The following HIVEP3 variants were observed in gnomAD, a reference collection of about 807,000 sequenced individuals.
HIVEP3 encodes the protein transcription factor HIVEP3.
In HIVEP3, 49 loss-of-function variants were observed where a neutral mutation model predicts 152.8. The ratio of observed to expected loss-of-function variants is 0.32; its 90% confidence interval spans 0.26 to 0.41. The LOEUF is 0.41. Among genes scored for constraint, HIVEP3 ranks in the 10% least tolerant of loss-of-function variants. The probability of loss-of-function intolerance (pLI) is 1.00; values close to 1 mark genes in which losing one functional copy is unlikely to be tolerated. For missense variants in HIVEP3, 2,790 were observed against 3,103.3 expected (o/e 0.90, Z 2.40); for synonymous variants, 1,269 against 1,289.0 (o/e 0.98, Z 0.33).
chr1:41,910,936 C>T (rs1210433641), intron 1 of HIVEP3, among the ~76,000 whole-genome samples: 1 of 151,812 alleles, frequency 6.6e-6, no homozygotes, highest in Non-Finnish European at 1.5e-5. Flanking sequence ...GTTTAGAAGA[C>T]CATACAAGAA....
intron 2 of HIVEP3, among the ~76,000 whole-genome samples, chr1:41,674,699 T>C (rs1645928244): frequency 6.6e-6 from 1 of 152,214 alleles, no homozygotes; most frequent in Non-Finnish European, 1.5e-5. Context: ...GATGGAATCC[T>C]CACGCTGAGA....
At chr1:41,882,867 T>C (rs1009332545) in intron 1 of HIVEP3, among the ~76,000 whole-genome samples, 1 of 152,188 alleles carries the variant, frequency 6.6e-6, no homozygotes, top group African/African-American at 2.4e-5. Flanking sequence ...TGGGATAGGA[T>C]TTCCTATACT....
At chr1:42,029,056 A>T (rs1645597893) in intron 1 of HIVEP3, among the ~76,000 whole-genome samples, 1 of 152,258 alleles carries the variant, frequency 6.6e-6, no homozygotes, top group Non-Finnish European at 1.5e-5. Context: ...AACACTATGC[A>T]GACTGAAGAA....
chr1:41,546,820 G>A (rs948507017), intron 5 of HIVEP3, among the ~76,000 whole-genome samples: 5 of 152,220 alleles, frequency 3.3e-5, no homozygotes, highest in African/African-American at 7.2e-5. Context: ...GCACTGGCCC[G>A]GCCTGGATGC....
At chr1:41,634,053 T>G (rs1645235240) in intron 2 of HIVEP3, among the ~76,000 whole-genome samples, 1 of 151,568 alleles carries the variant, frequency 6.6e-6, no homozygotes, top group Non-Finnish European at 1.5e-5. Flanking sequence ...GATCCGTTAC[T>G]CAGCCAAGTC....
At chr1:41,781,278 G>A (rs1570524699) in intron 1 of HIVEP3, among the ~76,000 whole-genome samples, 1 of 152,172 alleles carries the variant, frequency 6.6e-6, no homozygotes, top group Non-Finnish European at 1.5e-5. Flanking sequence ...TTGTGACAAT[G>A]TACAATGCTG....
In HIVEP3 at chr1:41,584,395, C is replaced by A; in HGVS notation, c.403G>T (p.Ala135Ser). 6.2e-7 allele frequency: 1 copy of A among 1,613,812 alleles called. No homozygotes were observed. The highest frequency in any genetic ancestry group is 8.5e-7 in the Non-Finnish European group (1 of 1,179,846). ...TGGCTCTGAGGATGGAGCCCAGGGG[C>A]CACGAAGGAGCCAGAGGGTCCAGGT... ...MRPGPSGSFV[A>S]PGLHPQSQLL... The change falls in exon 4 of 9, where the codon GCC (alanine) becomes TCC (serine). Residue 135 changes from alanine to serine, a missense_variant. By Grantham distance (99) the Ala-to-Ser change is moderately conservative. Coordinates refer to ENST00000372583, the MANE Select transcript of HIVEP3 (RefSeq NM_024503.5). This position sits in a 1 kb window ranked among gnomAD's most constrained non-coding sequence, Gnocchi z 5.2.
At chr1:41,803,659 C>T (rs189645354) in intron 1 of HIVEP3, among the ~76,000 whole-genome samples, 9 of 152,370 alleles carry the variant, frequency 5.9e-5, no homozygotes, top group East Asian at 5.8e-4. Context: ...ATTCCCTCCA[C>T]GTGAAGCTGG....
At chr1:41,958,058 T>C (rs1416110760) in intron 1 of HIVEP3, among the ~76,000 whole-genome samples, 2 of 152,238 alleles carry the variant, frequency 1.3e-5, no homozygotes. Context: ...TCTGAGACTT[T>C]GAAAAGTTAT....
intron 1 of HIVEP3, among the ~76,000 whole-genome samples, chr1:41,875,335 C>T (rs189804025): frequency 6.6e-6 from 1 of 152,340 alleles, no homozygotes; most frequent in Admixed American, 6.5e-5. Context: ...CCATGGCTCC[C>T]CTCCAGCTCC....
intron 1 of HIVEP3, among the ~76,000 whole-genome samples, chr1:41,798,803 C>T (rs1186452499): frequency 1.3e-5 from 2 of 152,248 alleles, no homozygotes; most frequent in East Asian, 3.8e-4. Flanking sequence ...TCACTTTCCA[C>T]ATGAGCTACC....
At position 41,578,691 on chromosome 1, in the gene HIVEP3, A is replaced by G. The variant is rs187576210; in HGVS notation, c.5061+1046T>C. On this transcript the variant is annotated intron_variant, in intron 4 of 8. Transcript: ENST00000372583. ...TCCTCAAATAATTAAAAGAAGAAAA[A>G]TAGACTCTTTGGAGTCAGATAGGTC... is the stretch of plus-strand genomic sequence containing the variant. 2.0e-3 allele frequency among the ~76,000 whole-genome samples: 298 copies of G among 152,370 alleles called. 1 individual carries two copies. Among genetic ancestry groups the G allele is most frequent in the African/African-American group, 6.7e-3 (279 of 41,586 alleles).
rs748272836 is a variant in HIVEP3, at chr1:41,580,572, G to A, written c.4226C>T (p.Ser1409Phe). The part of the protein sequence containing the change: ...PVTLPERKGT[S>F]LSSESILSLE... The stretch of plus-strand genomic sequence containing the variant: ...GCTCAAGATACTCTCTGATGACAGG[G>A]AAGTGCCTTTTCTTTCAGGTAATGT... Residue 1409 changes from serine to phenylalanine, a missense_variant, in exon 4 of 9, where the codon TCC becomes TTC. Coordinates refer to ENST00000372583, the MANE Select transcript of HIVEP3 (RefSeq NM_024503.5). 27 of 1,614,122 alleles carry A rather than the reference G, an allele frequency of 1.7e-5. 1 individual carries two copies. In the South Asian group the frequency reaches 2.4e-4, roughly 14 times the overall value.
chr1:41,691,559 C>A (rs1043050299), intron 2 of HIVEP3, among the ~76,000 whole-genome samples: 2 of 152,228 alleles, frequency 1.3e-5, no homozygotes, highest in Admixed American at 6.5e-5. Flanking sequence ...GACTTCTCAT[C>A]CTCTCTACCA....
At chr1:41,689,966 G>C (rs924776608) in intron 2 of HIVEP3, among the ~76,000 whole-genome samples, 1 of 152,244 alleles carries the variant, frequency 6.6e-6, no homozygotes, top group Non-Finnish European at 1.5e-5. Context: ...GTCCTCCGGG[G>C]CCTTGGCAGC....
intron 2 of HIVEP3, among the ~76,000 whole-genome samples, chr1:41,681,156 C>T (rs891611676): frequency 1.3e-5 from 2 of 151,638 alleles, no homozygotes; most frequent in African/African-American, 2.4e-5. Flanking sequence ...TGCAGTGGCA[C>T]AATCACAGCT....
At chr1:41,865,114 C>G (rs954911949) in intron 1 of HIVEP3, among the ~76,000 whole-genome samples, 2 of 152,198 alleles carry the variant, frequency 1.3e-5, no homozygotes, top group African/African-American at 4.8e-5. Flanking sequence ...AATGTAGACA[C>G]TTGGATCTAT....
intron 1 of HIVEP3, among the ~76,000 whole-genome samples, chr1:42,025,639 C>T (rs890246268): frequency 6.6e-6 from 1 of 152,250 alleles, no homozygotes; most frequent in African/African-American, 2.4e-5. Flanking sequence ...TCCGGAGATT[C>T]ATCTTTGATT....
chr1:41,703,061 A>G lies in HIVEP3; in HGVS notation c.-800-2066T>C, dbSNP rs187685354. On this transcript the variant is annotated intron_variant, in intron 1 of 8. Transcript: ENST00000372583. ...TCTGCTACCTCATTTAGTCTCCACG[A>G]AAATTTTGAGAAGAAGATAGAATAG... Among the ~76,000 whole-genome samples the G allele has an allele frequency of 2.0e-3, 305 of 152,338 alleles. 4 individuals are homozygous for G. The Middle Eastern group carries it at 0.027, about 14-fold the overall frequency.
Sources: gnomAD v4.1 joint callset for allele counts (sites outside exome capture counted in the v4.1 genomes callset) on GRCh38, gnomAD v4.1.1 for gene constraint, Gnocchi (gnomAD v3.1) non-coding constraint, MANE v1.5 for transcripts, NCBI Gene and HGNC (gene_info 2026-07-23, HGNC 2026-07-21) for gene names.